HTR2C: variants seen among roughly 807,000 people sequenced by gnomAD.
HTR2C encodes 5-hydroxytryptamine receptor 2C, also known as 5-hydroxytryptamine (serotonin) receptor 2C, G protein-coupled.
A neutral mutation model predicts 21.0 loss-of-function variants in HTR2C; 5 were observed. That is an observed-to-expected ratio of 0.24 (90% CI 0.12 to 0.50). The LOEUF is 0.50. Among genes scored for constraint, HTR2C ranks in the 20% least tolerant of loss-of-function variants. The pLI is 0.98. For synonymous variants in HTR2C, 150 were observed against 145.3 expected, an observed-to-expected ratio of 1.03 and a Z score of -0.23; for missense variants, 271 against 371.2, an observed-to-expected ratio of 0.73 and a Z score of 2.22.
chrX:114,883,046 T>C (rs991315813), intron 5 of HTR2C, among the ~76,000 whole-genome samples: 1 of 110,605 alleles, frequency 9.0e-6, no homozygotes, highest in Admixed American at 9.7e-5. Flanking sequence ...GTGTGTTTAC[T>C]TGGTATACGT....
chrX:114,637,046 T>A (rs782154555), intron 2 of HTR2C, among the ~76,000 whole-genome samples: 121 of 111,736 alleles, frequency 1.1e-3, no homozygotes, highest in African/African-American at 3.0e-3. Context: ...ACTAATTTTT[T>A]AAAAAAATAA....
intron 4 of HTR2C, among the ~76,000 whole-genome samples, chrX:114,826,598 C>G (rs1198456796): frequency 8.9e-6 from 1 of 111,960 alleles, no homozygotes; most frequent in Non-Finnish European, 1.9e-5. Flanking sequence ...TCCAAAATAT[C>G]AAAATGTCCA....
intron 2 of HTR2C, among the ~76,000 whole-genome samples, chrX:114,664,625 G>A (rs969546558): frequency 2.9e-4 from 32 of 111,713 alleles, no homozygotes; most frequent in Non-Finnish European, 5.5e-4. Flanking sequence ...TATCATTGAC[G>A]GGCATTTATG....
chrX:114,720,384 A>G (rs1310545277), intron 2 of HTR2C, among the ~76,000 whole-genome samples: 2 of 111,211 alleles, frequency 1.8e-5, no homozygotes, highest in Admixed American at 1.9e-4. Flanking sequence ...GGATAGTGCT[A>G]TTAAATGAGA....
chrX:114,807,157 A>G lies in HTR2C; in HGVS notation c.350-40846A>G, dbSNP rs782637196. Among the ~76,000 whole-genome samples the G allele has an allele frequency of 6.3e-5, 3 of 47,696 alleles. 1 individual carries two copies. The highest frequency in any genetic ancestry group is 9.8e-5 in the African/African-American group (1 of 10,172). 41.4% of individuals were successfully genotyped at this position (47,696 alleles called of 115,157 possible). A position where few individuals can be genotyped will look rare whatever the true frequency, so the allele number is the denominator to read the frequency against. On this transcript the variant is annotated intron_variant, in intron 4 of 5. Coordinates refer to ENST00000276198, the MANE Select transcript of HTR2C (RefSeq NM_000868.4). ...CATATATATACCATATATACACCAT[A>G]TATATACCCCATATATACACCATGT...
chrX:114,762,331 G>A (rs1487301487), intron 4 of HTR2C, among the ~76,000 whole-genome samples: 1 of 110,340 alleles, frequency 9.1e-6, no homozygotes, highest in African/African-American at 3.3e-5. Flanking sequence ...CATCCCTGGG[G>A]ATTTTCAAGG....
At chrX:114,834,494 G>A (rs1335166961) in intron 4 of HTR2C, among the ~76,000 whole-genome samples, 2 of 110,868 alleles carry the variant, frequency 1.8e-5, no homozygotes, top group South Asian at 3.8e-4. Context: ...TTGATTTAAA[G>A]TCTGTTTTAT....
chrX:114,893,327 C>A (rs1366236370), intron 5 of HTR2C, among the ~76,000 whole-genome samples: 1 of 111,053 alleles, frequency 9.0e-6, no homozygotes, highest in Non-Finnish European at 1.9e-5. Context: ...CTAAAGTAAT[C>A]AAGAGAGTGG....
rs1421705561 is a variant in HTR2C at position 114,907,429 on chromosome X, A to G, written c.*14A>G. On this transcript the variant is annotated 3_prime_UTR_variant, in exon 6 of 6. Transcript: ENST00000276198. ...AGCAGTGTGTGAGAAAGAACAGCAC[A>G]GTCTTTTCCTACGGTACAAGCTACA... 2 of 1,130,303 alleles carry G rather than the reference A, an allele frequency of 1.8e-6. No individual in the cohort carries two copies. Among genetic ancestry groups the G allele is most frequent in the Non-Finnish European group, 2.4e-6 (2 of 825,377 alleles). The allele number at this position is 1,130,303 out of a possible 1,213,427, so 93.1% of individuals were successfully genotyped here.
intron 5 of HTR2C, among the ~76,000 whole-genome samples, chrX:114,901,593 A>G (rs1410079516): frequency 2.7e-5 from 3 of 111,821 alleles, no homozygotes; most frequent in Non-Finnish European, 5.6e-5. Flanking sequence ...GCTAAGTAAG[A>G]CTCTTATATG....
intron 5 of HTR2C, among the ~76,000 whole-genome samples, chrX:114,859,648 G>A (rs1388659007): frequency 9.1e-6 from 1 of 109,885 alleles, no homozygotes; most frequent in African/African-American, 3.3e-5. Context: ...TTATCTTTTG[G>A]AGTCATCAAT....
intron 2 of HTR2C, among the ~76,000 whole-genome samples, chrX:114,706,367 A>T (rs1258283644): frequency 6.7e-5 from 6 of 88,901 alleles, no homozygotes; most frequent in African/African-American, 2.5e-4. Flanking sequence ...ACCATGGAAT[A>T]CTATGCAGCC....
At chrX:114,623,928 A>T (rs111283643) in intron 2 of HTR2C, among the ~76,000 whole-genome samples, 682 of 20,220 alleles carry the variant, frequency 0.034, 8 homozygotes, top group African/African-American at 0.1. Context: ...TTTTTTTTTG[A>T]GACAGAGTCT....
intron 4 of HTR2C, among the ~76,000 whole-genome samples, chrX:114,799,755 C>T (rs1034902029): frequency 1.9e-4 from 21 of 110,350 alleles, no homozygotes; most frequent in Non-Finnish European, 3.6e-4. Context: ...AATAAGTCCA[C>T]GTCAGTGTTT....
intron 4 of HTR2C, among the ~76,000 whole-genome samples, chrX:114,812,722 C>T (rs150198719): frequency 0.031 from 3,011 of 97,617 alleles, 39 homozygotes; most frequent in Non-Finnish European, 0.046. Context: ...GAGTGAGACT[C>T]CATCCCAAAA....
intron 1 of HTR2C, among the ~76,000 whole-genome samples, chrX:114,607,504 A>C (rs1446071094): frequency 8.9e-6 from 1 of 111,883 alleles, no homozygotes; most frequent in Non-Finnish European, 1.9e-5. Context: ...GATGTGAGAA[A>C]GGGTCAAGAT....
At chrX:114,834,149 G>A (rs1318027742) in intron 4 of HTR2C, among the ~76,000 whole-genome samples, 3 of 109,598 alleles carry the variant, frequency 2.7e-5, no homozygotes, top group African/African-American at 9.9e-5. Flanking sequence ...AATAGGTGTG[G>A]TGTGGTGCTG....
chrX:114,883,341 A>C (rs1556480295), intron 5 of HTR2C, among the ~76,000 whole-genome samples: 1 of 110,384 alleles, frequency 9.1e-6, no homozygotes, highest in East Asian at 2.8e-4. Flanking sequence ...TAACCAAAAG[A>C]TTGTCAATCT....
intron 2 of HTR2C, among the ~76,000 whole-genome samples, chrX:114,695,446 A>G (rs150235579): frequency 0.012 from 1,332 of 111,705 alleles, 26 homozygotes; most frequent in African/African-American, 0.041. Context: ...TGCTTTTACT[A>G]AATAATCGAC....
Sources: allele counts gnomAD v4.1 joint callset (sites outside exome capture counted in the v4.1 genomes callset), GRCh38; gene constraint gnomAD v4.1.1; transcripts MANE v1.5; gene names NCBI Gene and HGNC (gene_info 2026-07-23, HGNC 2026-07-21).